Variants in ADAM18 observed in about 807,000 individuals in gnomAD.
ADAM18 encodes the protein disintegrin and metalloproteinase domain-containing protein 18.
A neutral mutation model predicts 94.4 loss-of-function variants in ADAM18; 117 were observed. The observed-to-expected ratio is 1.24, with a 90% CI of 1.07 to 1.45. The LOEUF (loss-of-function observed/expected upper bound fraction) is 1.45. Among genes scored for constraint, ADAM18 ranks in the 40% most tolerant of loss-of-function variants. The pLI, the probability that ADAM18 is intolerant of heterozygous loss-of-function variation, is 0.00. For synonymous variants in ADAM18, 327 were observed against 291.6 expected (o/e 1.12, Z -1.24); for missense variants, 936 against 880.0 (o/e 1.06, Z -0.81).
intron 18 of ADAM18, among the ~76,000 whole-genome samples, chr8:39,715,753 A>T (rs1196698427): frequency 6.6e-6 from 1 of 152,108 alleles, no homozygotes; most frequent in South Asian, 2.1e-4. Context: ...GATGAAACAG[A>T]TAATTCTAAT....
chr8:39,648,997 T>C (rs772085812), intron 12 of ADAM18, among the ~76,000 whole-genome samples: 6 of 152,210 alleles, frequency 3.9e-5, no homozygotes, highest in Admixed American at 2.6e-4. Flanking sequence ...GTTTTATTTA[T>C]TCATTTTAAA....
chr8:39,635,382 A>G (rs1291982484), intron 7 of ADAM18, among the ~76,000 whole-genome samples: 1 of 152,210 alleles, frequency 6.6e-6, no homozygotes, highest in African/African-American at 2.4e-5. Context: ...AATGTTCACT[A>G]ATGATATTGG....
At chr8:39,721,548 A>G (rs1417510742) in intron 18 of ADAM18, among the ~76,000 whole-genome samples, 1 of 151,526 alleles carries the variant, frequency 6.6e-6, no homozygotes. Flanking sequence ...TCTATAAGGA[A>G]CTAAAACTCC....
chr8:39,610,082 A>C (rs1819220958), intron 5 of ADAM18, among the ~76,000 whole-genome samples: 1 of 152,152 alleles, frequency 6.6e-6, no homozygotes, highest in Non-Finnish European at 1.5e-5. Flanking sequence ...CTTTGGTTTC[A>C]ATTGCCTGAT....
Position 39,601,202 on chromosome 8 carries a change from C to T in ADAM18, c.133-5105C>T, listed in dbSNP as rs145655531. On this transcript the variant is annotated intron_variant, in intron 2 of 19. Coordinates refer to ENST00000265707, the MANE Select transcript of ADAM18 (RefSeq NM_014237.3). ...AATCACCTCCCACCATGCCCCACCT[C>T]CAACATTGGAGATTACAATTTGATA... Among the ~76,000 whole-genome samples the T allele has an allele frequency of 6.0e-3, 911 of 152,330 alleles. 6 individuals are homozygous for T. The highest frequency in any genetic ancestry group is 0.021 in the African/African-American group (865 of 41,576).
At chr8:39,673,904 T>C (rs1821225684) in intron 14 of ADAM18, among the ~76,000 whole-genome samples, 1 of 152,204 alleles carries the variant, frequency 6.6e-6, no homozygotes, top group Non-Finnish European at 1.5e-5. Flanking sequence ...CAGGAGCAAA[T>C]TGTTCAGTTT....
At position 39,620,414 on chromosome 8, in the gene ADAM18, A is replaced by G. The variant is rs184438081; in HGVS notation, c.523-8960A>G. ...AAAACAAAACAAAGAAAAAATGTAA[A>G]AAAAAACCAACAACCAACCAACCAA... is the stretch of plus-strand genomic sequence containing the variant. On this transcript the variant is annotated intron_variant, in intron 6 of 19. Coordinates refer to ENST00000265707, the MANE Select transcript of ADAM18 (RefSeq NM_014237.3). Among the ~76,000 whole-genome samples the G allele has an allele frequency of 1.4e-4, 21 of 149,240 alleles. 1 individual carries two copies. The South Asian group carries it at 4.4e-3, about 31-fold the overall frequency.
At chr8:39,714,214 T>A (rs1479275638) in intron 18 of ADAM18, among the ~76,000 whole-genome samples, 1 of 152,160 alleles carries the variant, frequency 6.6e-6, no homozygotes, top group Non-Finnish European at 1.5e-5. Context: ...CTGCATGTTC[T>A]CACTCATAGG....
intron 17 of ADAM18, among the ~76,000 whole-genome samples, chr8:39,697,576 C>G (rs760775224): frequency 5.9e-5 from 9 of 151,712 alleles, no homozygotes; most frequent in Non-Finnish European, 7.4e-5. Context: ...TTGTTTTCTA[C>G]AGTCAACATT....
At position 39,706,884 on chromosome 8, in the gene ADAM18, A is replaced by G. The variant is rs762348458; in HGVS notation, c.1997A>G (p.Asp666Gly). The change falls in exon 18 of 20, where the codon GAT (aspartate) becomes GGT (glycine). Residue 666 changes from aspartate (D) to glycine (G), a missense_variant. Transcript: ENST00000265707. ...QFGSPGGSID[D>G]GNFQKSGDFY... ...GGTTCCCCAGGGGGTAGTATTGATG[A>G]TGGAAATTTTCAGAAATCTGGTAAG... The G allele has an allele frequency of 1.3e-6, 2 of 1,597,894 alleles. No homozygotes were observed. Among genetic ancestry groups the G allele is most frequent in the Admixed American group, 1.7e-5 (1 of 59,146 alleles).
At chr8:39,706,725 A>G in intron 17 of ADAM18, 65 bp from the exon 18 acceptor site, 1 of 770,454 alleles carries the variant, frequency 1.3e-6, no homozygotes, top group Non-Finnish European at 2.1e-6. Flanking sequence ...TATCAGATAC[A>G]AAGACCTTGT....
chr8:39,587,950 G>A (rs980933085), intron 2 of ADAM18, among the ~76,000 whole-genome samples: 16 of 152,028 alleles, frequency 1.1e-4, no homozygotes, highest in Admixed American at 7.9e-4. Flanking sequence ...TGAACATTTG[G>A]GTTGCTTCCA....
chr8:39,636,042 G>A (rs7460073), intron 7 of ADAM18, among the ~76,000 whole-genome samples: 92,766 of 143,172 alleles, frequency 0.65, 30,652 homozygotes, highest in African/African-American at 0.73. Context: ...AGAGAGAGAG[G>A]GGGCCTCACT....
intron 14 of ADAM18, among the ~76,000 whole-genome samples, chr8:39,673,876 A>G (rs1242236272): frequency 6.6e-6 from 1 of 152,046 alleles, no homozygotes; most frequent in Non-Finnish European, 1.5e-5. Context: ...TCATTTTGTT[A>G]TTTACCCAGT....
intron 12 of ADAM18, among the ~76,000 whole-genome samples, chr8:39,657,194 A>G (rs1248711968): frequency 6.6e-6 from 1 of 152,220 alleles, no homozygotes; most frequent in African/African-American, 2.4e-5. Flanking sequence ...TTTGAGCAAG[A>G]TAACCAAGGC....
At chr8:39,637,441 T>C (rs753394104) in intron 8 of ADAM18, 96 bp from the exon 9 acceptor site, 11 of 1,384,112 alleles carry the variant, frequency 7.9e-6, no homozygotes, top group African/African-American at 1.5e-5. Flanking sequence ...ATTAGTTTAA[T>C]ACTGAAAATA....
intron 17 of ADAM18, among the ~76,000 whole-genome samples, chr8:39,697,515 A>G (rs1821956922): frequency 6.6e-6 from 1 of 151,738 alleles, no homozygotes; most frequent in Non-Finnish European, 1.5e-5. Flanking sequence ...ATTTTTTCAC[A>G]TCATTTATTT....
intron 12 of ADAM18, among the ~76,000 whole-genome samples, chr8:39,660,086 C>T (rs1820794469): frequency 6.6e-6 from 1 of 151,712 alleles, no homozygotes; most frequent in Non-Finnish European, 1.5e-5. Context: ...AACCACAACG[C>T]AAAAAACTAT....
chr8:39,725,156 T>C (rs1174341905), intron 19 of ADAM18, among the ~76,000 whole-genome samples: 3 of 152,032 alleles, frequency 2.0e-5, no homozygotes, highest in Admixed American at 6.6e-5. Context: ...CTAGTTATTC[T>C]ATCAGTTTTA....
Sources: gnomAD v4.1 joint callset for allele counts (sites outside exome capture counted in the v4.1 genomes callset) on GRCh38, gnomAD v4.1.1 for gene constraint, MANE v1.5 for transcripts, NCBI Gene and HGNC (gene_info 2026-07-23, HGNC 2026-07-21) for gene names.